The following CACNA1E variants were observed in gnomAD, a reference collection of about 807,000 sequenced individuals.
The protein encoded by CACNA1E is calcium voltage-gated channel subunit alpha1 E.
CACNA1E carries 40 observed loss-of-function variants against 259.2 expected under a neutral mutation model. That is an observed-to-expected ratio of 0.15 (90% CI 0.12 to 0.20). The LOEUF is 0.20. Ranked by LOEUF, CACNA1E falls within the 10% of genes least tolerant of loss-of-function variation. The pLI is 1.00. For synonymous variants in CACNA1E, 1,104 were observed against 1,138.5 expected, an observed-to-expected ratio of 0.97 and a Z score of 0.61; for missense variants, 1,874 against 3,040.1, an observed-to-expected ratio of 0.62 and a Z score of 9.02.
At chr1:181,343,834 C>A (rs1652372272) in intron 1 of CACNA1E, among the ~76,000 whole-genome samples, 1 of 152,034 alleles carries the variant, frequency 6.6e-6, no homozygotes, top group African/African-American at 2.4e-5. Context: ...TCCCTATCAC[C>A]CAAAGGATAG....
intron 7 of CACNA1E, among the ~76,000 whole-genome samples, chr1:181,659,371 A>G (rs1647371872): frequency 6.6e-6 from 1 of 152,224 alleles, no homozygotes; most frequent in Non-Finnish European, 1.5e-5. Flanking sequence ...TAGCATTTTT[A>G]CTTGTCTCAA....
At chr1:181,349,866 T>G (rs555431137) in intron 1 of CACNA1E, among the ~76,000 whole-genome samples, 1 of 152,162 alleles carries the variant, frequency 6.6e-6, no homozygotes, top group African/African-American at 2.4e-5. Context: ...CCTCCACTCT[T>G]ACCAACAGCT....
intron 7 of CACNA1E, among the ~76,000 whole-genome samples, chr1:181,685,254 C>T (rs1270405097): frequency 4.4e-5 from 3 of 68,510 alleles, no homozygotes; most frequent in Admixed American, 4.0e-4. Flanking sequence ...TTTTTTGAGA[C>T]GGAATTAAGT....
At chr1:181,337,145 A>C (rs1245710528) in intron 1 of CACNA1E, among the ~76,000 whole-genome samples, 3 of 151,038 alleles carry the variant, frequency 2.0e-5, no homozygotes, top group African/African-American at 4.9e-5. Context: ...TGGTAGGAGC[A>C]CTTAGAATCT....
chr1:181,787,481 C>T (rs1011223884), intron 43 of CACNA1E, among the ~76,000 whole-genome samples: 1 of 152,148 alleles, frequency 6.6e-6, no homozygotes, highest in African/African-American at 2.4e-5. Context: ...ATTTGCTTTA[C>T]AAATTAACCC....
At chr1:181,655,931 A>G (rs148214274) in intron 7 of CACNA1E, among the ~76,000 whole-genome samples, 119 of 152,348 alleles carry the variant, frequency 7.8e-4, no homozygotes, top group African/African-American at 2.8e-3. Flanking sequence ...GTGGTCCCAC[A>G]GGATTTAGTG....
chr1:181,498,758 C>T (rs1053957225), intron 1 of CACNA1E, among the ~76,000 whole-genome samples: 6 of 152,180 alleles, frequency 3.9e-5, no homozygotes, highest in South Asian at 2.1e-4. Flanking sequence ...CCCAGGGCCG[C>T]GACCAAGTGC....
rs902072985 is a variant in CACNA1E at position 181,781,649 on chromosome 1, C to G, written c.5364+126C>G. 29 of 668,268 alleles carry G rather than the reference C, an allele frequency of 4.3e-5. No homozygotes were observed. In the African/African-American group the frequency reaches 4.8e-4, roughly 11 times the overall value. 41.4% of individuals were successfully genotyped at this position (668,268 alleles called of 1,614,324 possible). A position where few individuals can be genotyped will look rare whatever the true frequency, so the allele number is the denominator to read the frequency against. On this transcript the variant is annotated intron_variant, in intron 39 of 47. Coordinates refer to ENST00000367573, the MANE Select transcript of CACNA1E (RefSeq NM_001205293.3). ...GGAGGAGGGAACTAAGGAGGAAAGG[C>G]ACGATGAGACTGAAGAGTCAGGAAG...
intron 1 of CACNA1E, among the ~76,000 whole-genome samples, chr1:181,386,301 C>T (rs1655843181): frequency 6.6e-6 from 1 of 152,018 alleles, no homozygotes; most frequent in Admixed American, 6.6e-5. Flanking sequence ...GTTAGCCTGG[C>T]AACAAAAGGG....
chr1:181,530,929 C>T (rs779700188), intron 3 of CACNA1E, among the ~76,000 whole-genome samples: 3 of 152,150 alleles, frequency 2.0e-5, no homozygotes, highest in Non-Finnish European at 4.4e-5. Flanking sequence ...AAGGCACAGG[C>T]TTATGGTTTA....
rs115216941 is a variant in CACNA1E, at chr1:181,593,049, G to C, written c.951+12273G>C. ...TAGATGAATAAATAAATGTGCATCA[G>C]TCTTTTCATCAGTAATATGGGGGTA... On this transcript the variant is annotated intron_variant, in intron 6 of 47. Transcript: ENST00000367573. Among the ~76,000 whole-genome samples, 1,034 of 152,248 alleles carry C rather than the reference G, an allele frequency of 6.8e-3. 3 individuals are homozygous for C. Among genetic ancestry groups the C allele is most frequent in the Non-Finnish European group, 0.011 (746 of 68,010 alleles).
At chr1:181,716,426 C>T (rs897598798) in intron 10 of CACNA1E, among the ~76,000 whole-genome samples, 5 of 152,124 alleles carry the variant, frequency 3.3e-5, no homozygotes, top group African/African-American at 1.2e-4. Flanking sequence ...CCACCCTCTC[C>T]TGGGAGTGAT....
intron 3 of CACNA1E, among the ~76,000 whole-genome samples, chr1:181,549,115 A>G (rs1647845470): frequency 6.6e-6 from 1 of 152,236 alleles, no homozygotes; most frequent in African/African-American, 2.4e-5. Context: ...TCAAAGCCCC[A>G]TAAAGGAAAG....
chr1:181,418,245 G>T (rs995894522), intron 2 of CACNA1E, among the ~76,000 whole-genome samples: 2 of 152,126 alleles, frequency 1.3e-5, no homozygotes, highest in African/African-American at 4.8e-5. Context: ...TAATCCTCCT[G>T]CCTCAGCCTC....
intron 43 of CACNA1E, among the ~76,000 whole-genome samples, chr1:181,789,194 A>C (rs1366838256): frequency 2.0e-5 from 3 of 152,228 alleles, no homozygotes; most frequent in Non-Finnish European, 2.9e-5. Flanking sequence ...AGCTGTGCTC[A>C]ATCTTGTTCC....
Position 181,763,800 on chromosome 1 carries a change from A to G in CACNA1E, c.4815+269A>G, listed in dbSNP as rs3820262. On this transcript the variant is annotated intron_variant, in intron 34 of 47. Coordinates refer to ENST00000367573, the MANE Select transcript of CACNA1E (RefSeq NM_001205293.3). ...AGGCATCCTCTCTGTCTGCTGAGGC[A>G]GGGGACACATTTTATAAGATGTGCT... 0.01 allele frequency among the ~76,000 whole-genome samples: 1,524 copies of G among 152,344 alleles called. 67 individuals carry two copies. The East Asian group carries it at 0.14, about 14-fold the overall frequency.
chr1:181,632,933 C>T (rs757566267), intron 6 of CACNA1E, among the ~76,000 whole-genome samples: 1 of 152,118 alleles, frequency 6.6e-6, no homozygotes, highest in African/African-American at 2.4e-5. Flanking sequence ...CTAAAAAATA[C>T]CATAGTCTTT....
chr1:181,707,219 G>A (rs1181318442), intron 7 of CACNA1E, among the ~76,000 whole-genome samples: 1 of 152,224 alleles, frequency 6.6e-6, no homozygotes, highest in Non-Finnish European at 1.5e-5. Flanking sequence ...TCATAAAGAA[G>A]GTCCCCCACA....
intron 1 of CACNA1E, among the ~76,000 whole-genome samples, chr1:181,343,508 T>C (rs1279809629): frequency 3.9e-5 from 6 of 152,114 alleles, no homozygotes; most frequent in Non-Finnish European, 8.8e-5. Flanking sequence ...ACCGTGACTG[T>C]AAGCTTCCTG....
Sources: allele counts gnomAD v4.1 joint callset (sites outside exome capture counted in the v4.1 genomes callset), GRCh38; gene constraint gnomAD v4.1.1; transcripts MANE v1.5; gene names NCBI Gene and HGNC (gene_info 2026-07-23, HGNC 2026-07-21).